Variants in ZHX2 observed in about 807,000 individuals in gnomAD.
ZHX2 encodes zinc fingers and homeoboxes 2.
ZHX2 carries 6 observed loss-of-function variants against 21.9 expected under a neutral mutation model. The ratio of observed to expected loss-of-function variants is 0.27; its 90% confidence interval spans 0.15 to 0.54. The LOEUF (loss-of-function observed/expected upper bound fraction) is 0.54, where lower values mean the gene tolerates loss of function less well. Ranked by LOEUF, ZHX2 falls within the 20% of genes least tolerant of loss-of-function variation. The probability of loss-of-function intolerance (pLI) is 0.95; values close to 1 mark genes in which losing one functional copy is unlikely to be tolerated. For missense variants in ZHX2, 908 were observed against 1,090.7 expected (o/e 0.83, Z 2.36); for synonymous variants, 434 against 437.1 (o/e 0.99, Z 0.09).
At chr8:122,930,556 A>ATT (rs34534125) in intron 2 of ZHX2, among the ~76,000 whole-genome samples, 71,397 of 145,066 alleles carry the variant, frequency 0.49, 18,236 homozygotes, top group Non-Finnish European at 0.58. Context: ...TCCTGAGAGA[A>ATT]TTTTTTTTTT....
At chr8:122,882,216 C>A (rs80352412) in intron 2 of ZHX2, among the ~76,000 whole-genome samples, 2,372 of 152,160 alleles carry the variant, frequency 0.016, 28 homozygotes, top group Non-Finnish European at 0.026. Context: ...ACATTTCAAA[C>A]TTAGGCAAGC....
At chr8:122,891,043 G>A (rs1217915639) in intron 2 of ZHX2, among the ~76,000 whole-genome samples, 1 of 152,050 alleles carries the variant, frequency 6.6e-6, no homozygotes, top group Non-Finnish European at 1.5e-5. Context: ...TGGTATCAGG[G>A]TAATGCTGGC....
intron 2 of ZHX2, among the ~76,000 whole-genome samples, chr8:122,894,233 A>G (rs1820044734): frequency 6.6e-6 from 1 of 152,230 alleles, no homozygotes; most frequent in Non-Finnish European, 1.5e-5. Context: ...CCAGTTGAGA[A>G]GGGAGGACAC....
intron 1 of ZHX2, among the ~76,000 whole-genome samples, chr8:122,799,176 T>C (rs945073270): frequency 9.2e-5 from 14 of 152,196 alleles, no homozygotes; most frequent in Admixed American, 8.5e-4. Flanking sequence ...CTTTTGATCA[T>C]AAGCCTCTTC....
At chr8:122,835,249 G>C (rs957533147) in intron 1 of ZHX2, among the ~76,000 whole-genome samples, 1 of 152,236 alleles carries the variant, frequency 6.6e-6, no homozygotes, top group Non-Finnish European at 1.5e-5. Context: ...CTTTCTGAAG[G>C]GGGTATTCTA....
chr8:122,906,905 A>T (rs1418017593), intron 2 of ZHX2, among the ~76,000 whole-genome samples: 1 of 152,106 alleles, frequency 6.6e-6, no homozygotes, highest in Non-Finnish European at 1.5e-5. Context: ...TCCTCACCTC[A>T]AGTGATCTGC....
At chr8:122,873,758 G>T (rs564239691) in intron 2 of ZHX2, among the ~76,000 whole-genome samples, 2 of 152,150 alleles carry the variant, frequency 1.3e-5, no homozygotes, top group African/African-American at 4.8e-5. Context: ...ACAAAGTATT[G>T]ACAAAGTGTA....
chr8:122,940,287 C>G (rs898260373), intron 2 of ZHX2, among the ~76,000 whole-genome samples: 1 of 152,190 alleles, frequency 6.6e-6, no homozygotes, highest in East Asian at 1.9e-4. Context: ...AAGGCTTTAC[C>G]TATTGAAGGG....
chr8:122,813,413 T>C (rs897460543), intron 1 of ZHX2, among the ~76,000 whole-genome samples: 7 of 152,114 alleles, frequency 4.6e-5, no homozygotes, highest in Non-Finnish European at 1.0e-4. Context: ...ACCTCCCTTA[T>C]AGCTTCCCAT....
chr8:122,802,242 T>C (rs1374029362), intron 1 of ZHX2, among the ~76,000 whole-genome samples: 1 of 152,176 alleles, frequency 6.6e-6, no homozygotes, highest in Non-Finnish European at 1.5e-5. Context: ...TTTATTTTTT[T>C]AATAGAAATG....
chr8:122,869,179 A>G (rs1016960501), intron 2 of ZHX2, among the ~76,000 whole-genome samples: 26 of 152,114 alleles, frequency 1.7e-4, no homozygotes, highest in Admixed American at 8.5e-4. Flanking sequence ...CTGAGGAGCT[A>G]CCTGCCTCCT....
intron 2 of ZHX2, among the ~76,000 whole-genome samples, chr8:122,897,295 C>T (rs1041361949): frequency 6.6e-6 from 1 of 152,240 alleles, no homozygotes; most frequent in African/African-American, 2.4e-5. Flanking sequence ...ATAGTACCTA[C>T]CTCATTGGGT....
chr8:122,952,932 G>A lies in ZHX2; in HGVS notation c.1422G>A (p.Glu474=), dbSNP rs1563603102. The part of the protein sequence containing the change: ...PDDAEVYRLI[E]VTGLARSEIK... ...ATGCCGAGGTTTACCGGCTCATCGA[G>A]GTGACTGGCCTTGCCAGGAGCGAGA... is the stretch of plus-strand genomic sequence containing the variant. Residue 474 remains glutamate (E), a synonymous_variant, in exon 3 of 4, where the codon GAG becomes GAA. Transcript: ENST00000314393. The surrounding 1 kb of genome is among the most constrained non-coding windows in gnomAD (Gnocchi z 6.9). 6.2e-7 allele frequency: 1 copy of A among 1,614,134 alleles called. No homozygotes were observed. The highest frequency in any genetic ancestry group is 8.5e-7 in the Non-Finnish European group (1 of 1,180,040).
chr8:122,835,606 T>A (rs1248936455), intron 1 of ZHX2, among the ~76,000 whole-genome samples: 2 of 151,830 alleles, frequency 1.3e-5, no homozygotes, highest in African/African-American at 4.8e-5. Context: ...AAGAAGATGG[T>A]TGAGAGGAAG....
chr8:122,934,942 C>T (rs1305486286), intron 2 of ZHX2, among the ~76,000 whole-genome samples: 2 of 152,206 alleles, frequency 1.3e-5, no homozygotes, highest in Non-Finnish European at 2.9e-5. Context: ...CCCTCCTTGG[C>T]CTCCCAAAGT....
chr8:122,884,060 C>T (rs907233254), intron 2 of ZHX2, among the ~76,000 whole-genome samples: 1 of 152,210 alleles, frequency 6.6e-6, no homozygotes, highest in Non-Finnish European at 1.5e-5. Flanking sequence ...GCGGTAGAGC[C>T]TATTGCTCCT....
intron 2 of ZHX2, among the ~76,000 whole-genome samples, chr8:122,864,820 C>G (rs953594288): frequency 6.6e-6 from 1 of 152,126 alleles, no homozygotes; most frequent in African/African-American, 2.4e-5. Context: ...GGGGAAGTTA[C>G]GCAGGAGGGA....
At chr8:122,794,478 G>T (rs539477722) in intron 1 of ZHX2, among the ~76,000 whole-genome samples, 5 of 152,176 alleles carry the variant, frequency 3.3e-5, no homozygotes, top group Admixed American at 6.5e-5. Flanking sequence ...CAAGAGCTTT[G>T]CAGGTAGCAT....
Position 122,835,833 on chromosome 8 carries a change from A to G in ZHX2, c.-282-27644A>G, listed in dbSNP as rs757073112. Among the ~76,000 whole-genome samples the G allele has an allele frequency of 5.3e-4, 80 of 152,224 alleles. 1 individual carries two copies. The highest frequency in any genetic ancestry group is 8.5e-4 in the Non-Finnish European group (58 of 68,046). The stretch of plus-strand genomic sequence containing the variant: ...GTTGTCAGCAATAATTGCTTAAGTC[A>G]GTTAAAATTGTAAAGTTGAATGTTT... On this transcript the variant is annotated intron_variant, in intron 1 of 3. Coordinates refer to ENST00000314393, the MANE Select transcript of ZHX2 (RefSeq NM_014943.5).
Sources: gnomAD v4.1 joint callset for allele counts (sites outside exome capture counted in the v4.1 genomes callset) on GRCh38, gnomAD v4.1.1 for gene constraint, Gnocchi (gnomAD v3.1) non-coding constraint, MANE v1.5 for transcripts, NCBI Gene and HGNC (gene_info 2026-07-23, HGNC 2026-07-21) for gene names.